The following PZP variants were observed in gnomAD, a reference collection of about 807,000 sequenced individuals.
The protein encoded by PZP is pregnancy zone protein.
PZP carries 150 observed loss-of-function variants against 179.8 expected under a neutral mutation model. That is an observed-to-expected ratio of 0.83 (90% confidence interval 0.73 to 0.96). PZP has a LOEUF of 0.96. PZP is among the 40% of genes least tolerant of loss of function. The probability of loss-of-function intolerance (pLI) is 0.00; values close to 1 mark genes in which losing one functional copy is unlikely to be tolerated. For synonymous variants in PZP, 624 were observed against 652.3 expected (o/e 0.96, Z 0.66); for missense variants, 1,689 against 1,764.0 (o/e 0.96, Z 0.76).
At chr12:9,194,299 G>T (rs1159077397) in intron 10 of PZP, 61 bp from the exon 11 acceptor site, 1 of 1,492,882 alleles carries the variant, frequency 6.7e-7, no homozygotes, top group African/African-American at 1.4e-5. Flanking sequence ...CTGAACTCAT[G>T]TGAACAAATG....
chr12:9,162,307 G>A, intron 22 of PZP: 1 of 310,540 alleles, frequency 3.2e-6, no homozygotes, highest in Non-Finnish European at 5.9e-6. Context: ...CTAAGCTTCT[G>A]CAGCTGGGCT....
In PZP at chr12:9,192,460, C is replaced by A; in HGVS notation, c.1482+52G>T. On this transcript the variant is annotated intron_variant, in intron 12 of 35. Coordinates refer to ENST00000261336, the MANE Select transcript of PZP (RefSeq NM_002864.3). ...TTTTGACATTCCTGAGCCTATTGAC[C>A]ACTTTTGTCCTACTGATAAGCTGCA... The A allele has an allele frequency of 3.3e-6, 5 of 1,520,324 alleles. No individual in the cohort carries two copies. The South Asian group carries it at 5.7e-5, about 17-fold the overall frequency. The allele number at this position is 1,520,324 out of a possible 1,614,324, so 94.2% of individuals were successfully genotyped here. A position where few individuals can be genotyped will look rare whatever the true frequency, so the allele number is the denominator to read the frequency against.
intron 13 of PZP, among the ~76,000 whole-genome samples, chr12:9,191,611 A>G (rs960283371): frequency 6.6e-6 from 1 of 152,132 alleles, no homozygotes; most frequent in Non-Finnish European, 1.5e-5. Flanking sequence ...GGTGTGGTGG[A>G]AATTGGTAAA....
rs771225613 is a variant in PZP at position 9,153,207 on chromosome 12, A to T, written c.3911T>A (p.Leu1304Gln). 2 of 1,614,192 alleles carry T rather than the reference A, an allele frequency of 1.2e-6. No individual in the cohort carries two copies. The highest frequency in any genetic ancestry group is 1.7e-6 in the Non-Finnish European group (2 of 1,179,996). The part of the protein sequence containing the change: ...TNFQVDNNNL[L>Q]LLQQISLPEL... ...TGGCAATGAGATCTGCTGCAGTAAT[A>T]GGAGGTTGTTGTTGTCTACTTGGAA... Residue 1304 changes from leucine to glutamine, a missense_variant, in exon 30 of 36, where the codon CTA (leucine) becomes CAA (glutamine). By Grantham distance (113) the Leu-to-Gln change is moderately radical. Transcript: ENST00000261336.
downstream of PZP, among the ~76,000 whole-genome samples, chr12:9,147,084 A>G (rs927588878): frequency 3.3e-5 from 5 of 152,192 alleles, no homozygotes; most frequent in African/African-American, 1.2e-4. Flanking sequence ...CTGGCAAGGC[A>G]GATGTCAGTT....
At chr12:9,172,728 G>C (rs924945915) in intron 15 of PZP, among the ~76,000 whole-genome samples, 1 of 152,100 alleles carries the variant, frequency 6.6e-6, no homozygotes, top group African/African-American at 2.4e-5. Flanking sequence ...AACAAACAAA[G>C]AAGGGTAGTA....
At chr12:9,155,818 T>C (rs779103721) in intron 28 of PZP, 1 of 154,256 alleles carries the variant, frequency 6.5e-6, no homozygotes, top group East Asian at 1.9e-4. Context: ...TGGTGTTGTA[T>C]GGATGACAAG....
intron 2 of PZP, 67 bp from the exon 3 acceptor site, chr12:9,202,751 A>G (rs1944239175): frequency 1.4e-6 from 2 of 1,456,024 alleles, no homozygotes; most frequent in Non-Finnish European, 1.9e-6. Flanking sequence ...TTCTTCAGTC[A>G]TTGCTATTTC....
chr12:9,173,281 C>T (rs1002123692), intron 15 of PZP, among the ~76,000 whole-genome samples: 1 of 152,120 alleles, frequency 6.6e-6, no homozygotes, highest in Non-Finnish European at 1.5e-5. Context: ...CTAATGAGAA[C>T]AAAGAGACAA....
the PZP span, among the ~76,000 whole-genome samples, chr12:9,141,857 G>A: frequency 3.2e-3 from 481 of 152,288 alleles, no homozygotes; most frequent in African/African-American, 5.2e-3. Context: ...GATAAGGTCC[G>A]ACTTATTCCA....
intron 15 of PZP, 96 bp from the exon 16 acceptor site, chr12:9,169,687 T>C (rs1201816454): frequency 2.7e-5 from 32 of 1,203,376 alleles, no homozygotes; most frequent in Non-Finnish European, 3.5e-5. Context: ...ACCAATCTTT[T>C]CTTGAGTACG....
intron 10 of PZP, among the ~76,000 whole-genome samples, 162 bp downstream of exon 10, chr12:9,196,168 T>TC (rs1232524292): frequency 6.6e-6 from 1 of 152,222 alleles, no homozygotes; most frequent in African/African-American, 2.4e-5. Flanking sequence ...TCTGTTTGTT[T>TC]CATCAGTGAT....
chr12:9,150,967 T>C (rs960863290), intron 33 of PZP, among the ~76,000 whole-genome samples: 3 of 152,212 alleles, frequency 2.0e-5, no homozygotes, highest in Admixed American at 1.3e-4. Flanking sequence ...GCCAACCCTA[T>C]TCTTTTGTAG....
intron 13 of PZP, among the ~76,000 whole-genome samples, chr12:9,184,848 A>T (rs533352193): frequency 3.7e-4 from 57 of 152,336 alleles, no homozygotes; most frequent in African/African-American, 1.2e-3. Flanking sequence ...ATCTTCTGGT[A>T]ACAAAGTCAG....
At chr12:9,142,298 T>C in the PZP span, among the ~76,000 whole-genome samples, 49 of 152,310 alleles carry the variant, frequency 3.2e-4, 1 homozygote, top group African/African-American at 1.1e-3. Flanking sequence ...AAACCAATAT[T>C]AATGTTTCAT....
the PZP span, among the ~76,000 whole-genome samples, chr12:9,140,630 A>T: frequency 6.6e-6 from 1 of 152,214 alleles, no homozygotes; most frequent in African/African-American, 2.4e-5. Context: ...CCATAGAAGG[A>T]ATCTGAGATA....
Position 9,200,243 on chromosome 12 carries a change from G to A in PZP, c.755+121C>T, listed in dbSNP as rs958478993. 4 of 548,374 alleles carry A rather than the reference G, an allele frequency of 7.3e-6. No individual in the cohort carries two copies. In the African/African-American group the frequency reaches 7.6e-5, roughly 10 times the overall value. The allele number at this position is 548,374 out of a possible 1,614,324, so 34.0% of individuals were successfully genotyped here. On this transcript the variant is annotated intron_variant, in intron 7 of 35. Coordinates refer to ENST00000261336, the MANE Select transcript of PZP (RefSeq NM_002864.3). ...TTAATAGTAAGTCGTTAAATAAAGA[G>A]AAGTCAAAGGAGTAATATTACAAAA...
intron 1 of PZP, among the ~76,000 whole-genome samples, chr12:9,204,806 C>T (rs1337710083): frequency 6.6e-6 from 1 of 151,992 alleles, no homozygotes; most frequent in Non-Finnish European, 1.5e-5. Flanking sequence ...AAAAAACAAA[C>T]AGGTTCAGGC....
At position 9,192,505 on chromosome 12, in the gene PZP, T is replaced by A. The variant is rs1473327530; in HGVS notation, c.1482+7A>T. ...GCTGCAATTGTATTCCATGGCCTCA[T>A]TCTTACCAGGTAATGGAAACTGAGC... is the stretch of plus-strand genomic sequence containing the variant. On this transcript the variant is annotated splice_region_variant and intron_variant, in intron 12 of 35. Coordinates refer to ENST00000261336, the MANE Select transcript of PZP (RefSeq NM_002864.3). 2 of 1,608,322 alleles carry A rather than the reference T, an allele frequency of 1.2e-6. No individual in the cohort carries two copies. Among genetic ancestry groups the A allele is most frequent in the African/African-American group, 2.7e-5 (2 of 74,786 alleles).
Sources: gnomAD v4.1 joint callset for allele counts (sites outside exome capture counted in the v4.1 genomes callset) on GRCh38, gnomAD v4.1.1 for gene constraint, MANE v1.5 for transcripts, NCBI Gene and HGNC (gene_info 2026-07-23, HGNC 2026-07-21) for gene names.